ZNF618: variants seen among roughly 807,000 people sequenced by gnomAD.
ZNF618 encodes the protein neural precursor cell expressed, developmentally down-regulated 10.
Under a neutral mutation model 103.0 loss-of-function variants are expected in ZNF618, and 34 were observed. The ratio of observed to expected loss-of-function variants is 0.33; its 90% CI spans 0.25 to 0.44. The LOEUF (loss-of-function observed/expected upper bound fraction) is 0.44. Ranked by LOEUF, ZNF618 falls within the 20% of genes least tolerant of loss-of-function variation. ZNF618 has a pLI of 1.00. For synonymous variants in ZNF618, 551 were observed against 542.2 expected, an observed-to-expected ratio of 1.02 and a Z score of -0.23; for missense variants, 1,059 against 1,295.4, an observed-to-expected ratio of 0.82 and a Z score of 2.80.
chr9:114,003,068 A>T (rs1841400636), intron 6 of ZNF618, among the ~76,000 whole-genome samples: 1 of 151,900 alleles, frequency 6.6e-6, no homozygotes, highest in Non-Finnish European at 1.5e-5. Flanking sequence ...CTGACTCATG[A>T]CTCTGGGGCT....
chr9:114,025,127 G>A (rs1843385906), intron 10 of ZNF618, among the ~76,000 whole-genome samples: 1 of 152,186 alleles, frequency 6.6e-6, no homozygotes, highest in South Asian at 2.1e-4. Context: ...ACTCCGTCAT[G>A]GCCAGAAGTG....
chr9:113,924,421 CTTCTT>C (rs1410246193), intron 1 of ZNF618, among the ~76,000 whole-genome samples: 1 of 71,074 alleles, frequency 1.4e-5, no homozygotes, highest in African/African-American at 4.6e-5. Context: ...TCTTCTTCTT[CTTCTT>C]TTTTTTTTTT....
intron 1 of ZNF618, among the ~76,000 whole-genome samples, chr9:113,955,896 G>A (rs1024514095): frequency 2.6e-5 from 4 of 152,044 alleles, no homozygotes; most frequent in African/African-American, 7.2e-5. Flanking sequence ...AAATGTGACC[G>A]GAAGAAGGGT....
At chr9:113,889,928 A>T (rs1564133186) in intron 1 of ZNF618, among the ~76,000 whole-genome samples, 1 of 152,234 alleles carries the variant, frequency 6.6e-6, no homozygotes. Context: ...AGTGAATGTT[A>T]GTCCCTTGAT....
At chr9:114,042,820 C>G (rs949334187) in intron 13 of ZNF618, among the ~76,000 whole-genome samples, 1 of 152,174 alleles carries the variant, frequency 6.6e-6, no homozygotes, top group Admixed American at 6.5e-5. Flanking sequence ...CAGAGCAAGA[C>G]CCTATCTCTA....
chr9:113,986,935 G>A (rs2133261526), intron 2 of ZNF618, among the ~76,000 whole-genome samples: 1 of 152,332 alleles, frequency 6.6e-6, no homozygotes, highest in South Asian at 2.1e-4. Context: ...TCTTGCCCAA[G>A]GCCACACAGC....
At position 114,048,941 on chromosome 9, in the gene ZNF618, C is replaced by T. The variant is rs746028746; in HGVS notation, c.1639C>T (p.Leu547=). Residue 547 remains leucine (L), a synonymous_variant, in exon 15 of 15, where the codon CTA becomes TTA. Coordinates refer to ENST00000374126, the MANE Select transcript of ZNF618 (RefSeq NM_001318042.2). ...VTCALGSNAC[L]GIGVTCHSQS... ...CTGTGCCTTGGGCAGCAATGCCTGCCTAGGCATCGGTGTCACCTGCCACTC... is the reference window on the plus strand; with the variant it reads ...CTGTGCCTTGGGCAGCAATGCCTGCTTAGGCATCGGTGTCACCTGCCACTC... The T allele has an allele frequency of 2.5e-6, 4 of 1,609,376 alleles. No homozygotes were observed. The highest frequency in any genetic ancestry group is 3.4e-6 in the Non-Finnish European group (4 of 1,177,986).
At chr9:113,919,714 C>T (rs1454506406) in intron 1 of ZNF618, among the ~76,000 whole-genome samples, 2 of 152,188 alleles carry the variant, frequency 1.3e-5, no homozygotes, top group East Asian at 3.9e-4. Flanking sequence ...AGCAGACAGA[C>T]TCCTGTGTTC....
intron 9 of ZNF618, among the ~76,000 whole-genome samples, chr9:114,012,022 TAA>T (rs372244026): frequency 1.2e-4 from 16 of 138,082 alleles, no homozygotes; most frequent in Admixed American, 2.2e-4. Context: ...CTTGAATAGT[TAA>T]AAAAAAAAAA....
chr9:113,918,936 G>A lies in ZNF618; in HGVS notation c.33+42523G>A, dbSNP rs376817332. Among the ~76,000 whole-genome samples, 23 of 152,256 alleles carry A rather than the reference G, an allele frequency of 1.5e-4. 1 individual carries two copies. In the East Asian group the frequency reaches 2.7e-3, roughly 18 times the overall value. ...GTAAATAAATTTGGTGTGAATGAAC[G>A]AATGAAAACTGGAAAGGAAGACTCA... On this transcript the variant is annotated intron_variant, in intron 1 of 14. Transcript: ENST00000374126.
intron 12 of ZNF618, among the ~76,000 whole-genome samples, chr9:114,035,572 C>T (rs1420953189): frequency 6.6e-6 from 1 of 152,146 alleles, no homozygotes; most frequent in Admixed American, 6.5e-5. Flanking sequence ...TTTCCTTGCT[C>T]TTCTTCCCAC....
intron 1 of ZNF618, among the ~76,000 whole-genome samples, chr9:113,943,605 T>A (rs1481862627): frequency 1.3e-5 from 2 of 151,274 alleles, no homozygotes; most frequent in Non-Finnish European, 2.9e-5. Context: ...TTTTTTTTTT[T>A]AAGAAAAGCT....
intron 10 of ZNF618, among the ~76,000 whole-genome samples, chr9:114,023,866 G>A (rs1371457455): frequency 6.6e-6 from 1 of 151,926 alleles, no homozygotes; most frequent in Non-Finnish European, 1.5e-5. Context: ...TTTTTCTCTG[G>A]ATGCTTTTAA....
At chr9:113,920,719 A>G (rs1832565780) in intron 1 of ZNF618, among the ~76,000 whole-genome samples, 1 of 152,194 alleles carries the variant, frequency 6.6e-6, no homozygotes, top group Non-Finnish European at 1.5e-5. Context: ...GCAATTTTTA[A>G]TGAGTTTACA....
intron 1 of ZNF618, among the ~76,000 whole-genome samples, chr9:113,907,505 A>T (rs4979294): frequency 6.6e-6 from 1 of 151,994 alleles, no homozygotes; most frequent in Non-Finnish European, 1.5e-5. Context: ...TTTCCCAGGC[A>T]ATGAGGCTTC....
At chr9:113,933,267 G>A (rs1784370461) in intron 1 of ZNF618, among the ~76,000 whole-genome samples, 1 of 152,212 alleles carries the variant, frequency 6.6e-6, no homozygotes, top group African/African-American at 2.4e-5. Context: ...TTGCTCTAAA[G>A]AGGAACAGAG....
intron 1 of ZNF618, among the ~76,000 whole-genome samples, chr9:113,882,453 T>C (rs963272715): frequency 2.0e-5 from 3 of 152,150 alleles, no homozygotes; most frequent in Non-Finnish European, 4.4e-5. Context: ...GGTCGACGCA[T>C]GTGAGTTGAC....
At chr9:113,939,991 T>G (rs1834405196) in intron 1 of ZNF618, among the ~76,000 whole-genome samples, 1 of 152,118 alleles carries the variant, frequency 6.6e-6, no homozygotes, top group Non-Finnish European at 1.5e-5. Context: ...TCTGCTTTCT[T>G]TTGGCTTATT....
At chr9:113,990,484 G>C (rs1241898970) in intron 3 of ZNF618, among the ~76,000 whole-genome samples, 1 of 152,168 alleles carries the variant, frequency 6.6e-6, no homozygotes, top group Non-Finnish European at 1.5e-5. Flanking sequence ...GATCCTGAAA[G>C]GTACAAGATA....
Sources: allele counts gnomAD v4.1 joint callset (sites outside exome capture counted in the v4.1 genomes callset), GRCh38; gene constraint gnomAD v4.1.1; transcripts MANE v1.5; gene names NCBI Gene and HGNC (gene_info 2026-07-23, HGNC 2026-07-21).